Variants in STOX2 observed in about 807,000 individuals in gnomAD.
STOX2 encodes the protein storkhead-box protein 2.
In STOX2, 28 loss-of-function variants were observed where a neutral mutation model predicts 60.9. The ratio of observed to expected loss-of-function variants is 0.46; its 90% CI spans 0.34 to 0.63. The LOEUF (loss-of-function observed/expected upper bound fraction) is 0.63. STOX2 is among the 30% of genes least tolerant of loss of function. The probability of loss-of-function intolerance (pLI) is 0.01; values close to 1 mark genes in which losing one functional copy is unlikely to be tolerated. For missense variants in STOX2, 1,024 were observed against 1,187.7 expected, an observed-to-expected ratio of 0.86 and a Z score of 2.03; for synonymous variants, 472 against 463.9, an observed-to-expected ratio of 1.02 and a Z score of -0.22.
chr4:183,879,207 G>A (rs140438581), intron 1 of STOX2, among the ~76,000 whole-genome samples: 429 of 152,280 alleles, frequency 2.8e-3, no homozygotes, highest in African/African-American at 8.8e-3. Context: ...GGCCAGCCTC[G>A]CGAAGGCATG....
At chr4:183,911,740 G>C (rs1336886406) in intron 1 of STOX2, among the ~76,000 whole-genome samples, 1 of 152,158 alleles carries the variant, frequency 6.6e-6, no homozygotes, top group Non-Finnish European at 1.5e-5. Flanking sequence ...TATACTCTTT[G>C]GTACACGGTT....
Position 183,876,514 on chromosome 4 carries a change from G to A in STOX2, c.364+78459G>A, listed in dbSNP as rs145990892. On this transcript the variant is annotated intron_variant, in intron 1 of 2. Coordinates refer to the STOX2 transcript ENST00000513034. ...CCAGACATGGAACTGCACCAGAAAG[G>A]AGGTTTTTAAAAGTGAAAGTAGTTA... Among the ~76,000 whole-genome samples, 103 of 152,336 alleles carry A rather than the reference G, an allele frequency of 6.8e-4. 1 individual carries two copies. The highest frequency in any genetic ancestry group is 2.9e-5 in the Non-Finnish European group (2 of 68,036).
At chr4:183,940,853 TTTTA>T (rs1355893651) in intron 1 of STOX2, among the ~76,000 whole-genome samples, 1 of 152,254 alleles carries the variant, frequency 6.6e-6, no homozygotes, top group African/African-American at 2.4e-5. Flanking sequence ...TATTTTAAAG[TTTTA>T]TTTTACAATT....
rs866152533 is a variant in STOX2, at chr4:183,804,719, A to G, written c.364+6664A>G. Among the ~76,000 whole-genome samples the G allele has an allele frequency of 6.8e-4, 104 of 152,364 alleles. 1 individual carries two copies. The highest frequency in any genetic ancestry group is 2.3e-3 in the African/African-American group (95 of 41,584). ...ACTTTAGTGACTTCTAGCTAGTCAT[A>G]AAAACCATTTTTATGAATTATCTCA... On this transcript the variant is annotated intron_variant, in intron 1 of 2. Coordinates refer to the STOX2 transcript ENST00000513034.
chr4:183,958,839 T>G (rs1003208241), intron 1 of STOX2, among the ~76,000 whole-genome samples: 1 of 152,142 alleles, frequency 6.6e-6, no homozygotes, highest in African/African-American at 2.4e-5. Context: ...AAGTTTCTCT[T>G]CCTAACTCTC....
chr4:183,995,234 A>G (rs1733277887), intron 1 of STOX2, among the ~76,000 whole-genome samples: 1 of 150,984 alleles, frequency 6.6e-6, no homozygotes, highest in Non-Finnish European at 1.5e-5. Context: ...TGGAACCTCA[A>G]TTAATGACTG....
intron 1 of STOX2, among the ~76,000 whole-genome samples, chr4:183,845,756 A>G (rs904471837): frequency 6.6e-6 from 1 of 152,228 alleles, no homozygotes; most frequent in Non-Finnish European, 1.5e-5. Flanking sequence ...ATTAAGTTAC[A>G]TCTTTATACG....
intron 1 of STOX2, among the ~76,000 whole-genome samples, chr4:183,939,404 T>C (rs1183671910): frequency 1.3e-5 from 2 of 152,176 alleles, no homozygotes; most frequent in East Asian, 3.9e-4. Context: ...ATCTTCTGTC[T>C]CTATGAAAAC....
At chr4:183,845,806 TTA>T (rs1421802383) in intron 1 of STOX2, among the ~76,000 whole-genome samples, 6 of 152,230 alleles carry the variant, frequency 3.9e-5, no homozygotes, top group Non-Finnish European at 8.8e-5. Context: ...TTTTATGTGG[TTA>T]TGTTTTAAAT....
chr4:183,976,069 T>C (rs1243828401), intron 1 of STOX2, among the ~76,000 whole-genome samples: 1 of 152,192 alleles, frequency 6.6e-6, no homozygotes, highest in Non-Finnish European at 1.5e-5. Flanking sequence ...TCCCAGCACT[T>C]TGGGAGGCCA....
intron 1 of STOX2, among the ~76,000 whole-genome samples, chr4:183,813,440 G>C (rs1739083644): frequency 6.6e-6 from 1 of 152,128 alleles, no homozygotes; most frequent in African/African-American, 2.4e-5. Context: ...ATTGCTTTAG[G>C]TATTATGGGT....
intron 1 of STOX2, among the ~76,000 whole-genome samples, chr4:183,814,522 C>G (rs1739106624): frequency 6.6e-6 from 1 of 152,188 alleles, no homozygotes; most frequent in Admixed American, 6.5e-5. Flanking sequence ...GCATCGGGAC[C>G]AGGTCTGCCT....
chr4:183,916,671 T>A (rs1378076494), intron 1 of STOX2, among the ~76,000 whole-genome samples: 1 of 152,158 alleles, frequency 6.6e-6, no homozygotes, highest in East Asian at 1.9e-4. Context: ...AACTGTAGAA[T>A]CCCATCAGAC....
rs111739105 is a variant in STOX2 at position 183,947,086 on chromosome 4, T to G, written c.166+40130T>G. Among the ~76,000 whole-genome samples the G allele has an allele frequency of 7.0e-3, 94 of 13,388 alleles. 1 individual carries two copies. The highest frequency in any genetic ancestry group is 0.039 in the East Asian group (8 of 206). The allele number at this position is 13,388 out of a possible 152,430, so 8.8% of individuals were successfully genotyped here. On this transcript the variant is annotated intron_variant, in intron 1 of 3. Coordinates refer to ENST00000308497, the MANE Select transcript of STOX2 (RefSeq NM_020225.3). Reference sequence around the variant, plus strand: ...TGGATTTCGGTATCCTGGTGGGGGGTGGGGCAAGGGGGCTCCTGGAACCAG... The same window carrying G: ...TGGATTTCGGTATCCTGGTGGGGGGGGGGGCAAGGGGGCTCCTGGAACCAG...
chr4:183,899,977 G>A (rs2111072458), intron 1 of STOX2, among the ~76,000 whole-genome samples: 1 of 152,262 alleles, frequency 6.6e-6, no homozygotes, highest in East Asian at 1.9e-4. Context: ...TTAAGTTGAA[G>A]CCGATGCTCA....
chr4:183,872,342 C>T (rs972629065), intron 1 of STOX2, among the ~76,000 whole-genome samples: 1 of 152,190 alleles, frequency 6.6e-6, no homozygotes, highest in African/African-American at 2.4e-5. Flanking sequence ...AGACGTGAAC[C>T]ACTGTGCCCG....
At position 184,009,787 on chromosome 4, in the gene STOX2, C is replaced by G; in HGVS notation, c.949C>G (p.Arg317Gly). The G allele has an allele frequency of 6.2e-7, 1 of 1,612,738 alleles. No individual in the cohort carries two copies. Among genetic ancestry groups the G allele is most frequent in the Non-Finnish European group, 8.5e-7 (1 of 1,179,440 alleles). Residue 317 changes from arginine to glycine, a missense_variant, in exon 3 of 4, where the codon CGC becomes GGC. By Grantham distance (125) the Arg-to-Gly change is moderately radical (BLOSUM62 -2). Transcript: ENST00000308497. The surrounding 1 kb of genome is among the most constrained non-coding windows in gnomAD (Gnocchi z 4.0). ...GGAAGTAGAGATGGAAATCATTAGG[C>G]GCATTAACCCAGACCTGACCGTGGA... ...PREVEMEIIRRINPDLTVENV... is the reference protein window; with the variant it reads ...PREVEMEIIRGINPDLTVENV...
chr4:183,818,165 A>G (rs1739196059), intron 1 of STOX2, among the ~76,000 whole-genome samples: 1 of 151,240 alleles, frequency 6.6e-6, no homozygotes, highest in African/African-American at 2.4e-5. Flanking sequence ...GCAGGGTCAT[A>G]GGACAACAGT....
At chr4:183,933,038 C>T (rs1424328342) in intron 1 of STOX2, among the ~76,000 whole-genome samples, 1 of 152,142 alleles carries the variant, frequency 6.6e-6, no homozygotes, top group Non-Finnish European at 1.5e-5. Flanking sequence ...TGCTAAATGA[C>T]CATGAAAAAT....
Sources: gnomAD v4.1 joint callset for allele counts (sites outside exome capture counted in the v4.1 genomes callset) on GRCh38, gnomAD v4.1.1 for gene constraint, Gnocchi (gnomAD v3.1) non-coding constraint, MANE v1.5 for transcripts, NCBI Gene and HGNC (gene_info 2026-07-23, HGNC 2026-07-21) for gene names.